TULP4: variants seen among roughly 807,000 people sequenced by gnomAD.
TULP4 encodes the protein TUB like protein 4, also known as tubby-related protein 4.
In TULP4, 16 loss-of-function variants were observed where a neutral mutation model predicts 129.0. The ratio of observed to expected loss-of-function variants is 0.12; its 90% CI spans 0.08 to 0.19. The LOEUF (loss-of-function observed/expected upper bound fraction) is 0.19. TULP4 is among the 10% of genes least tolerant of loss of function. The pLI is 1.00. For synonymous variants in TULP4, 998 were observed against 854.0 expected (o/e 1.17, Z -2.94); for missense variants, 1,842 against 2,059.1 (o/e 0.89, Z 2.04).
intron 6 of TULP4, among the ~76,000 whole-genome samples, chr6:158,475,837 A>G (rs1779804717): frequency 6.6e-6 from 1 of 152,242 alleles, no homozygotes; most frequent in African/African-American, 2.4e-5. Context: ...AAAACTACAG[A>G]ACATTTGTAG....
intron 5 of TULP4, among the ~76,000 whole-genome samples, chr6:158,459,384 C>A (rs376134920): frequency 6.6e-6 from 1 of 151,684 alleles, no homozygotes; most frequent in East Asian, 1.9e-4. Context: ...GAGCCGAGAT[C>A]GCGCCATTGT....
intron 5 of TULP4, among the ~76,000 whole-genome samples, chr6:158,453,513 G>C (rs1180838550): frequency 8.6e-6 from 1 of 116,604 alleles, no homozygotes; most frequent in African/African-American, 3.8e-5. Context: ...AAAAAAAGCC[G>C]GGCACGGTAG....
At position 158,251,922 on chromosome 6, in the gene TULP4, A is replaced by T. The variant is rs531269522; in HGVS notation, n.68+19619A>T. 9.2e-5 allele frequency among the ~76,000 whole-genome samples: 14 copies of T among 152,352 alleles called. No individual in the cohort carries two copies. The South Asian group carries it at 1.2e-3, about 14-fold the overall frequency. ...TTTTAGATTCTAGAAGATTTTGGTT[A>T]GGAATAGTCAGATTAAACAGAGGTT... On this transcript the variant is annotated intron_variant and non_coding_transcript_variant, in intron 1 of 1. Transcript: ENST00000620026.
intron 1 of TULP4, among the ~76,000 whole-genome samples, chr6:158,363,541 T>A (rs1583797196): frequency 6.6e-6 from 1 of 152,334 alleles, no homozygotes; most frequent in African/African-American, 2.4e-5. Context: ...TGGAGTGCAG[T>A]GGCACGATCT....
chr6:158,478,888 G>A (rs183311307), intron 6 of TULP4, among the ~76,000 whole-genome samples: 8 of 152,138 alleles, frequency 5.3e-5, no homozygotes, highest in South Asian at 4.2e-4. Flanking sequence ...TGACCCTAGC[G>A]AGGCTACCAC....
rs1218575640 is a variant in TULP4 at position 158,240,655 on chromosome 6, C to T, written n.68+8352C>T. 5.4e-4 allele frequency among the ~76,000 whole-genome samples: 61 copies of T among 112,552 alleles called. 7 individuals carry two copies. Among genetic ancestry groups the T allele is most frequent in the African/African-American group, 1.7e-3 (60 of 35,408 alleles). 73.8% of individuals were successfully genotyped at this position (112,552 alleles called of 152,430 possible). On this transcript the variant is annotated intron_variant and non_coding_transcript_variant, in intron 1 of 1. Coordinates refer to the TULP4 transcript ENST00000620026. Reference sequence around the variant, plus strand: ...CGGCTGGCCGGGTGGAGGCTGACCCCCCCACCTCCCTCCCAGACGGGGCAG... The same window carrying T: ...CGGCTGGCCGGGTGGAGGCTGACCCTCCCACCTCCCTCCCAGACGGGGCAG...
intron 11 of TULP4, among the ~76,000 whole-genome samples, chr6:158,496,521 A>G (rs1485164708): frequency 1.3e-5 from 2 of 152,260 alleles, no homozygotes; most frequent in Admixed American, 6.5e-5. Flanking sequence ...ATCCCTGTAC[A>G]TAATGCAAAT....
At chr6:158,237,582 C>T (rs1777738879) in intron 1 of TULP4, 7 of 1,526,234 alleles carry the variant, frequency 4.6e-6, no homozygotes, top group Non-Finnish European at 5.4e-6. Context: ...TTTTACCCTT[C>T]TTTCTTCCCT....
intron 1 of TULP4, among the ~76,000 whole-genome samples, chr6:158,263,936 G>A (rs138855395): frequency 0.015 from 2,232 of 152,112 alleles, 22 homozygotes; most frequent in Non-Finnish European, 0.021. Context: ...GGTGGCAGGT[G>A]CCTGTATTCC....
chr6:158,301,397 T>G (rs373342331), intron 1 of TULP4, among the ~76,000 whole-genome samples: 2 of 3,482 alleles, frequency 5.7e-4, no homozygotes, highest in Non-Finnish European at 2.8e-3. Context: ...AATCAAACAG[T>G]TTTTTTTTTT....
intron 1 of TULP4, among the ~76,000 whole-genome samples, chr6:158,388,322 C>CCTTTTTTTTT (rs1375374518): frequency 1.2e-5 from 1 of 86,260 alleles, no homozygotes; most frequent in African/African-American, 5.0e-5. Context: ...GCTCGTTTTT[C>CCTTTTTTTTT]TTTTTTTTTT....
intron 1 of TULP4, among the ~76,000 whole-genome samples, chr6:158,341,931 G>A (rs573762228): frequency 7.2e-5 from 11 of 152,078 alleles, no homozygotes; most frequent in Non-Finnish European, 1.0e-4. Flanking sequence ...ATTCCCCGCC[G>A]CCTCTGAGCT....
chr6:158,408,408 G>A (rs898093728), intron 1 of TULP4, among the ~76,000 whole-genome samples: 4 of 152,214 alleles, frequency 2.6e-5, no homozygotes, highest in Non-Finnish European at 5.9e-5. Context: ...AGAGGAAACT[G>A]TATATGTAAA....
At chr6:158,491,390 G>GTTCTTTCTTTCTTTCTTTCT (rs534422353) in intron 9 of TULP4, among the ~76,000 whole-genome samples, 7 of 146,768 alleles carry the variant, frequency 4.8e-5, no homozygotes, top group Non-Finnish European at 9.0e-5. Flanking sequence ...AGTTATAAGA[G>GTTCTTTCTTTCTTTCTTTCT]TTCTTTCTTT....
intron 1 of TULP4, chr6:158,237,316 C>T: frequency 6.3e-7 from 1 of 1,597,214 alleles, no homozygotes; most frequent in South Asian, 1.1e-5. Context: ...TAAAAACAGC[C>T]TTCAACAAGA....
intron 1 of TULP4, among the ~76,000 whole-genome samples, chr6:158,366,330 C>G (rs1425797549): frequency 1.3e-5 from 2 of 152,190 alleles, no homozygotes; most frequent in East Asian, 1.9e-4. Flanking sequence ...TATTGTCCTC[C>G]CCAGGATCCT....
intron 1 of TULP4, among the ~76,000 whole-genome samples, chr6:158,287,186 C>T (rs1562506327): frequency 1.3e-5 from 2 of 152,150 alleles, no homozygotes; most frequent in Non-Finnish European, 1.5e-5. Context: ...CCATACAGAT[C>T]TGGGTTCAAA....
chr6:158,498,313 G>A (rs1190057106), intron 11 of TULP4, among the ~76,000 whole-genome samples: 1 of 152,206 alleles, frequency 6.6e-6, no homozygotes, highest in Non-Finnish European at 1.5e-5. Flanking sequence ...CCTTCTGACT[G>A]CAAATGAGGT....
chr6:158,291,102 ATTG>A (rs1778930632), intron 1 of TULP4, among the ~76,000 whole-genome samples: 1 of 152,210 alleles, frequency 6.6e-6, no homozygotes, highest in Non-Finnish European at 1.5e-5. Flanking sequence ...TTTCTGCTTT[ATTG>A]TTCTGTTTTG....
Sources: allele counts gnomAD v4.1 joint callset (sites outside exome capture counted in the v4.1 genomes callset), GRCh38; gene constraint gnomAD v4.1.1; transcripts MANE v1.5; gene names NCBI Gene and HGNC (gene_info 2026-07-23, HGNC 2026-07-21).